AOAH: variants seen among roughly 807,000 people sequenced by gnomAD.
The protein encoded by AOAH is acyloxyacyl hydrolase.
A neutral mutation model predicts 92.2 loss-of-function variants in AOAH; 64 were observed. The observed-to-expected ratio is 0.69, with a 90% CI of 0.57 to 0.86. AOAH has a LOEUF of 0.86. Among genes scored for constraint, AOAH ranks in the 40% least tolerant of loss-of-function variants. AOAH has a pLI of 0.00. For synonymous variants in AOAH, 263 were observed against 254.5 expected, an observed-to-expected ratio of 1.03 and a Z score of -0.32; for missense variants, 656 against 694.6, an observed-to-expected ratio of 0.94 and a Z score of 0.62.
intron 16 of AOAH, among the ~76,000 whole-genome samples, chr7:36,533,961 G>C (rs1484353165): frequency 6.6e-6 from 1 of 152,154 alleles, no homozygotes; most frequent in African/African-American, 2.4e-5. Flanking sequence ...GTGAAACTTA[G>C]GTAGCCTGGC....
Position 36,655,116 on chromosome 7 carries a change from C to A in AOAH, c.390+4050G>T, listed in dbSNP as rs1201528275. 2.0e-5 allele frequency among the ~76,000 whole-genome samples: 3 copies of A among 152,292 alleles called. No individual in the cohort carries two copies. In the East Asian group the frequency reaches 5.8e-4, roughly 29 times the overall value. ...GACAGGCAAGGTACAGGCCTGCCCA[C>A]CCCCATGTGCTTGCATCTTAGTGAG... On this transcript the variant is annotated intron_variant, in intron 4 of 20. Coordinates refer to ENST00000617537, the MANE Select transcript of AOAH (RefSeq NM_001637.4).
Position 36,724,089 on chromosome 7 carries a change from C to G in AOAH, c.60G>C (p.Gln20His). The G allele has an allele frequency of 1.2e-6, 2 of 1,613,756 alleles. 1 individual carries two copies. Among genetic ancestry groups the G allele is most frequent in the South Asian group, 2.2e-5 (2 of 91,070 alleles). Residue 20 changes from glutamine to histidine, a missense_variant, in exon 1 of 21, where the codon CAG becomes CAC. By Grantham distance (24) the Gln-to-His change is conservative. Transcript: ENST00000617537. ...CATCGTTGGCTGGAGAGGCCGAGGACTGAAGAGACAGGAGCAAGAATAGAG... is the reference window on the plus strand; with the variant it reads ...CATCGTTGGCTGGAGAGGCCGAGGAGTGAAGAGACAGGAGCAAGAATAGAG... ...VAPLFLLLSL[Q>H]SSASPANDDQ...
At chr7:36,531,576 G>C (rs560221042) in intron 18 of AOAH, among the ~76,000 whole-genome samples, 4 of 152,198 alleles carry the variant, frequency 2.6e-5, no homozygotes, top group South Asian at 2.1e-4. Flanking sequence ...TCAAACTCCT[G>C]ACCTCAAGTG....
intron 4 of AOAH, among the ~76,000 whole-genome samples, chr7:36,648,757 A>C (rs757129870): frequency 1.3e-5 from 2 of 151,944 alleles, no homozygotes; most frequent in Non-Finnish European, 2.9e-5. Flanking sequence ...TTATTGAGTA[A>C]TCCAGTGTTT....
chr7:36,632,204 C>G, intron 5 of AOAH, 98 bp from the exon 6 acceptor site: 1 of 987,682 alleles, frequency 1.0e-6, no homozygotes, highest in Non-Finnish European at 1.5e-6. Flanking sequence ...TCTGGATCCT[C>G]CTTCCTCTAG....
intron 15 of AOAH, among the ~76,000 whole-genome samples, chr7:36,543,997 G>T (rs1309218290): frequency 2.2e-5 from 3 of 134,372 alleles, no homozygotes; most frequent in Non-Finnish European, 4.6e-5. Flanking sequence ...GCCCAGGCTG[G>T]AGTGCAGTGG....
At chr7:36,671,153 C>CT (rs1209577116) in intron 3 of AOAH, among the ~76,000 whole-genome samples, 6 of 152,198 alleles carry the variant, frequency 3.9e-5, no homozygotes, top group African/African-American at 1.4e-4. Context: ...CTTTTTTTTA[C>CT]TGTTTTCATA....
At chr7:36,599,157 T>C (rs1182977754) in intron 11 of AOAH, among the ~76,000 whole-genome samples, 1 of 152,256 alleles carries the variant, frequency 6.6e-6, no homozygotes, top group East Asian at 1.9e-4. Flanking sequence ...ATTTAACGTT[T>C]CCCTGTGTGT....
At chr7:36,601,004 T>G (rs1352732004) in intron 11 of AOAH, among the ~76,000 whole-genome samples, 1 of 151,588 alleles carries the variant, frequency 6.6e-6, no homozygotes. Flanking sequence ...CCTACTCTTC[T>G]GCACCCAGGG....
At chr7:36,520,744 C>A (rs1291104195) in intron 20 of AOAH, among the ~76,000 whole-genome samples, 2 of 150,918 alleles carry the variant, frequency 1.3e-5, no homozygotes, top group Non-Finnish European at 2.9e-5. Flanking sequence ...TAGGGATATA[C>A]ACAAACTCTT....
At chr7:36,609,294 CCG>C (rs1366653080) in intron 11 of AOAH, among the ~76,000 whole-genome samples, 2 of 152,142 alleles carry the variant, frequency 1.3e-5, no homozygotes, top group African/African-American at 4.8e-5. Flanking sequence ...TGCCTGATCC[CCG>C]CTCTCCCCCT....
intron 11 of AOAH, among the ~76,000 whole-genome samples, chr7:36,606,032 A>G (rs1172793291): frequency 6.6e-6 from 1 of 152,230 alleles, no homozygotes; most frequent in Non-Finnish European, 1.5e-5. Flanking sequence ...GTCCAGTTTT[A>G]CTAAACAATA....
Position 36,613,317 on chromosome 7 carries a change from C to T in AOAH, c.846+3063G>A, listed in dbSNP as rs181398994. Among the ~76,000 whole-genome samples the T allele has an allele frequency of 2.3e-3, 350 of 152,182 alleles. 2 individuals carry two copies. The highest frequency in any genetic ancestry group is 8.1e-3 in the African/African-American group (337 of 41,510). On this transcript the variant is annotated intron_variant, in intron 11 of 20. Transcript: ENST00000617537. ...GATTTTCCCTCCTAGTATCTTCCCTCGTTGTTGGTTTGTTGGGCAGGATGA... is the reference window on the plus strand; with the variant it reads ...GATTTTCCCTCCTAGTATCTTCCCTTGTTGTTGGTTTGTTGGGCAGGATGA...
At chr7:36,566,913 C>T (rs1319132438) in intron 13 of AOAH, among the ~76,000 whole-genome samples, 3 of 152,072 alleles carry the variant, frequency 2.0e-5, no homozygotes, top group Non-Finnish European at 2.9e-5. Flanking sequence ...CGGGTTCCAG[C>T]GATTCTCCTG....
intron 13 of AOAH, among the ~76,000 whole-genome samples, chr7:36,556,019 C>G (rs973463609): frequency 1.3e-5 from 2 of 152,100 alleles, no homozygotes; most frequent in African/African-American, 2.4e-5. Flanking sequence ...TTCTTGCCTT[C>G]TGCTAGCTTT....
At chr7:36,622,144 G>A (rs1353234294) in intron 7 of AOAH, among the ~76,000 whole-genome samples, 1 of 152,136 alleles carries the variant, frequency 6.6e-6, no homozygotes, top group Non-Finnish European at 1.5e-5. Context: ...GTGTGTTTAT[G>A]TGTATTCATA....
chr7:36,716,046 G>A (rs922955001), intron 1 of AOAH, among the ~76,000 whole-genome samples: 27 of 152,166 alleles, frequency 1.8e-4, no homozygotes, highest in Middle Eastern at 3.4e-3. Context: ...GCAACCTACA[G>A]AATGGGAGAA....
chr7:36,723,940 A>T, intron 1 of AOAH, 82 bp downstream of exon 1: 1 of 1,441,608 alleles, frequency 6.9e-7, no homozygotes, highest in Non-Finnish European at 9.4e-7. Context: ...ATTTAATAAA[A>T]TATGTGATTT....
chr7:36,534,543 T>C (rs1017221678), intron 16 of AOAH, among the ~76,000 whole-genome samples: 1 of 152,254 alleles, frequency 6.6e-6, no homozygotes, highest in Non-Finnish European at 1.5e-5. Flanking sequence ...GTGCTTGCGA[T>C]GGGCTTATGG....
Sources: gnomAD v4.1 joint callset for allele counts (sites outside exome capture counted in the v4.1 genomes callset) on GRCh38, gnomAD v4.1.1 for gene constraint, MANE v1.5 for transcripts, NCBI Gene and HGNC (gene_info 2026-07-23, HGNC 2026-07-21) for gene names.